SLC39A13: variants seen among roughly 807,000 people sequenced by gnomAD.
SLC39A13 encodes solute carrier family 39 member 13.
Under a neutral mutation model 38.7 loss-of-function variants are expected in SLC39A13, and 18 were observed. The ratio of observed to expected loss-of-function variants is 0.47; its 90% confidence interval spans 0.32 to 0.69. The LOEUF is 0.69. Ranked by LOEUF, SLC39A13 falls within the 30% of genes least tolerant of loss-of-function variation. SLC39A13 has a pLI of 0.03. For synonymous variants in SLC39A13, 212 were observed against 219.1 expected, an observed-to-expected ratio of 0.97 and a Z score of 0.29; for missense variants, 395 against 490.7, an observed-to-expected ratio of 0.80 and a Z score of 1.84.
In SLC39A13 at chr11:47,413,500, G is replaced by A. The variant is rs2096010147; in HGVS notation, c.638G>A (p.Ser213Asn). ...CCCGGCCTCGGTGCCGTGGTCCGGA[G>A]CATCAAAGTGAGTGGCCTGCTCAGG... ...AEPGLGAVVR[S>N]IKVSGYLNLL... Residue 213 changes from serine (S) to asparagine (N), a missense_variant, in exon 5 of 10, where the codon AGC becomes AAC. Physicochemically the swap from Ser to Asn is conservative, Grantham distance 46. Coordinates refer to ENST00000362021, the MANE Select transcript of SLC39A13 (RefSeq NM_001128225.3). 6.2e-7 allele frequency: 1 copy of A among 1,613,954 alleles called. No homozygotes were observed.
intron 6 of SLC39A13, chr11:47,414,000 T>C: frequency 1.5e-6 from 1 of 666,046 alleles, no homozygotes; most frequent in Non-Finnish European, 2.7e-6. Context: ...GGCAGCCTAC[T>C]CTGCAGCTGG....
At chr11:47,409,719 G>C (rs2095987456) in intron 1 of SLC39A13, 1 of 288,362 alleles carries the variant, frequency 3.5e-6, no homozygotes, top group Non-Finnish European at 6.7e-6. Context: ...AGTCTCTGGG[G>C]TGTCGCGGGC....
In SLC39A13 at chr11:47,415,142, G is replaced by A; in HGVS notation, c.1023G>A (p.Leu341=). ...TGGTGAACGTGCTCCCTGACCTCTTGGAAGAAGAGGACCCGTGGTGAGTGA... is the reference window on the plus strand; with the variant it reads ...TGGTGAACGTGCTCCCTGACCTCTTAGAAGAAGAGGACCCGTGGTGAGTGA... ...IALVNVLPDL[L]EEEDPWRSLQ... Residue 341 remains leucine, a synonymous_variant, in exon 9 of 10, where the codon TTG becomes TTA. Transcript: ENST00000362021. 6.2e-7 allele frequency: 1 copy of A among 1,612,122 alleles called. No individual in the cohort carries two copies.
chr11:47,410,130 G>T lies in SLC39A13; in HGVS notation c.36G>T (p.Ala12=). The T allele has an allele frequency of 1.2e-6, 2 of 1,613,170 alleles. No homozygotes were observed. Among genetic ancestry groups the T allele is most frequent in the Non-Finnish European group, 1.7e-6 (2 of 1,179,990 alleles). The change falls in exon 2 of 10, where the codon GCG becomes GCT. Residue 12 remains alanine, a synonymous_variant. Transcript: ENST00000362021. ...GTCCCTGCCCTGGCTGTGGCATGGC[G>T]GGCCCAAGGCTCCTCTTCCTCACTG... ...PGCPCPGCGM[A]GPRLLFLTAL... is the part of the protein sequence containing the mutation.
intron 6 of SLC39A13, chr11:47,414,171 C>T: frequency 1.6e-6 from 1 of 611,936 alleles, no homozygotes; most frequent in African/African-American, 1.8e-5. Flanking sequence ...GGGCCTGCTC[C>T]CCTGGGCACT....
intron 1 of SLC39A13, chr11:47,409,694 T>G: frequency 3.8e-6 from 1 of 259,990 alleles, no homozygotes; most frequent in Non-Finnish European, 7.6e-6. Context: ...CCCATCCCCT[T>G]AGAAGGGGTG....
chr11:47,414,418 C>A lies in SLC39A13; in HGVS notation c.736-7C>A. Reference sequence around the variant, plus strand: ...AGACCCCGCAGCCACGGCTCCCCTCCCTGCAGATCGGGCTCCTGACAACCA... The same window carrying A: ...AGACCCCGCAGCCACGGCTCCCCTCACTGCAGATCGGGCTCCTGACAACCA... On this transcript the variant is annotated splice_polypyrimidine_tract_variant and splice_region_variant and intron_variant, in intron 6 of 9. Coordinates refer to ENST00000362021, the MANE Select transcript of SLC39A13 (RefSeq NM_001128225.3). The A allele has an allele frequency of 6.2e-7, 1 of 1,608,546 alleles. No homozygotes were observed. Among genetic ancestry groups the A allele is most frequent in the Non-Finnish European group, 8.5e-7 (1 of 1,177,694 alleles).
In SLC39A13 at chr11:47,412,039, G is replaced by A; in HGVS notation, c.415G>A (p.Gly139Ser). ...AWAYTCSASP[G>S]GEGQSLQQQQ... Reference sequence around the variant, plus strand: ...GGCCTACACGTGCAGCGCCAGCCCTGGTAAGTGAGGCCACACGCCAGGGGC... The same window carrying A: ...GGCCTACACGTGCAGCGCCAGCCCTAGTAAGTGAGGCCACACGCCAGGGGC... The change falls in exon 3 of 10, where the codon GGT becomes AGT. Residue 139 changes from glycine (G) to serine (S), a missense_variant and splice_region_variant. Gly to Ser is a moderately conservative substitution (Grantham distance 56). Coordinates refer to ENST00000362021, the MANE Select transcript of SLC39A13 (RefSeq NM_001128225.3). 6.2e-7 allele frequency: 1 copy of A among 1,606,674 alleles called. No individual in the cohort carries two copies. Among genetic ancestry groups the A allele is most frequent in the Non-Finnish European group, 8.5e-7 (1 of 1,176,868 alleles).
intron 4 of SLC39A13, among the ~76,000 whole-genome samples, chr11:47,413,139 A>G (rs2096008285): frequency 3.9e-5 from 6 of 152,064 alleles, no homozygotes; most frequent in South Asian, 2.1e-4. Flanking sequence ...CTTCTGCCTC[A>G]GCCTCCCAAG....
Position 47,415,698 on chromosome 11 carries a change from T to G in SLC39A13, c.*335T>G. The G allele has an allele frequency of 4.8e-6, 2 of 414,170 alleles. No homozygotes were observed. Among genetic ancestry groups the G allele is most frequent in the Non-Finnish European group, 4.5e-6 (1 of 220,682 alleles). The allele number at this position is 414,170 out of a possible 1,614,324, so 25.7% of individuals were successfully genotyped here. ...CAGCACTGGTCCCAAGCAGAGGCCT[T>G]GCCCTGCTGGGACCCCGGGAGTGAG... On this transcript the variant is annotated 3_prime_UTR_variant, in exon 10 of 10. Coordinates refer to ENST00000362021, the MANE Select transcript of SLC39A13 (RefSeq NM_001128225.3).
upstream of SLC39A13, chr11:47,407,455 A>G (rs1429625880): frequency 6.6e-6 from 1 of 152,308 alleles, no homozygotes; most frequent in Non-Finnish European, 1.5e-5. Flanking sequence ...GTGACAGAGT[A>G]AATGGTTGGA....
intron 4 of SLC39A13, 112 bp from the exon 5 acceptor site, chr11:47,413,288 G>A (rs2096008796): frequency 2.7e-6 from 3 of 1,104,250 alleles, no homozygotes; most frequent in African/African-American, 3.1e-5. Context: ...TTACAGGCAT[G>A]AGCCACTGCA....
chr11:47,410,474 TCA>T (rs2095993306), intron 2 of SLC39A13, 79 bp downstream of exon 2: 1 of 1,539,288 alleles, frequency 6.5e-7, no homozygotes, highest in African/African-American at 1.4e-5. Context: ...AGACCCCAGG[TCA>T]CAGAGTGTCT....
chr11:47,413,860 C>T, intron 6 of SLC39A13, 174 bp downstream of exon 6: 2 of 785,196 alleles, frequency 2.5e-6, no homozygotes, highest in Non-Finnish European at 4.4e-6. Flanking sequence ...TGATCCTGAG[C>T]CCCTGGTCTG....
In SLC39A13 at chr11:47,415,586, G is replaced by A. The variant is rs766764981; in HGVS notation, c.*223G>A. ...ATCCCTGTGCTGGGTCCGGGGCCCA[G>A]TGTAGCGCCTGTCCCCAGCCATGCT... On this transcript the variant is annotated 3_prime_UTR_variant, in exon 10 of 10. Coordinates refer to ENST00000362021, the MANE Select transcript of SLC39A13 (RefSeq NM_001128225.3). 2 of 646,494 alleles carry A rather than the reference G, an allele frequency of 3.1e-6. No homozygotes were observed. The highest frequency in any genetic ancestry group is 5.6e-6 in the Non-Finnish European group (2 of 356,290). 40.0% of individuals were successfully genotyped at this position (646,494 alleles called of 1,614,324 possible). A position where few individuals can be genotyped will look rare whatever the true frequency, so the allele number is the denominator to read the frequency against.
chr11:47,415,325 A>G lies in SLC39A13; in HGVS notation c.1078A>G (p.Ile360Val), dbSNP rs1428493386. The change falls in exon 10 of 10, where the codon ATC becomes GTC. Residue 360 changes from isoleucine to valine, a missense_variant. Ile to Val is a conservative substitution (Grantham distance 29). Transcript: ENST00000362021. ...LQQLLLLCAGIVVMVLFSLFV... is the reference protein window; with the variant it reads ...LQQLLLLCAGVVVMVLFSLFV... ...GCAGCTGCTTCTGCTCTGTGCGGGCATCGTGGTAATGGTGCTGTTCTCGCT... is the reference window on the plus strand; with the variant it reads ...GCAGCTGCTTCTGCTCTGTGCGGGCGTCGTGGTAATGGTGCTGTTCTCGCT... 1 of 1,613,888 alleles carries G rather than the reference A, an allele frequency of 6.2e-7. No homozygotes were observed. Among genetic ancestry groups the G allele is most frequent in the Admixed American group, 1.7e-5 (1 of 60,008 alleles).
rs1595878332 is a variant in SLC39A13 at position 47,410,466 on chromosome 11, AC to A, written c.301+75del. The A allele has an allele frequency of 4.5e-6, 7 of 1,564,866 alleles. No individual in the cohort carries two copies. In the East Asian group the frequency reaches 1.3e-4, roughly 30 times the overall value. On this transcript the variant is annotated intron_variant, in intron 2 of 9. Coordinates refer to ENST00000362021, the MANE Select transcript of SLC39A13 (RefSeq NM_001128225.3). ...AGCATGCTGCTGCTCTTCTTAGGAG[AC>A]CCCAGGTCACAGAGTGTCTGAGATG...
chr11:47,414,936 G>A (rs201930888), intron 8 of SLC39A13, 27 bp downstream of exon 8: 17 of 1,604,806 alleles, frequency 1.1e-5, no homozygotes, highest in African/African-American at 5.3e-5. Flanking sequence ...TGGTTGTGGC[G>A]GGTGGCATCA....
At chr11:47,408,963 C>T (rs1449949122) in intron 1 of SLC39A13, 2 of 153,114 alleles carry the variant, frequency 1.3e-5, no homozygotes, top group Non-Finnish European at 2.9e-5. Context: ...TCTGCGTGAC[C>T]GCCTCGTCCT....
Sources: gnomAD v4.1 joint callset for allele counts (sites outside exome capture counted in the v4.1 genomes callset) on GRCh38, gnomAD v4.1.1 for gene constraint, MANE v1.5 for transcripts, NCBI Gene and HGNC (gene_info 2026-07-23, HGNC 2026-07-21) for gene names.